The following CDH18 variants were observed in gnomAD, a reference collection of about 807,000 sequenced individuals.
CDH18 encodes the protein cadherin-18.
CDH18 carries 31 observed loss-of-function variants against 67.9 expected under a neutral mutation model. That is an observed-to-expected ratio of 0.46 (90% CI 0.34 to 0.62). The LOEUF (loss-of-function observed/expected upper bound fraction) is 0.62, where lower values mean the gene tolerates loss of function less well. Among genes scored for constraint, CDH18 ranks in the 20% least tolerant of loss-of-function variants. The probability of loss-of-function intolerance (pLI) is 0.01; values close to 1 mark genes in which losing one functional copy is unlikely to be tolerated. For synonymous variants in CDH18, 362 were observed against 347.2 expected (o/e 1.04, Z -0.48); for missense variants, 890 against 975.5 (o/e 0.91, Z 1.17).
chr5:20,440,893 A>C (rs759470546), intron 1 of CDH18, among the ~76,000 whole-genome samples: 51 of 152,034 alleles, frequency 3.4e-4, no homozygotes, highest in Non-Finnish European at 6.9e-4. Context: ...TAAATGAAGT[A>C]AGAGCAGGAA....
chr5:20,143,068 G>C (rs1377152853), intron 2 of CDH18, among the ~76,000 whole-genome samples: 1 of 152,170 alleles, frequency 6.6e-6, no homozygotes, highest in Non-Finnish European at 1.5e-5. Flanking sequence ...GCATTGAAGA[G>C]ACTGTTAGTA....
chr5:20,062,140 A>AATTATTATT (rs113839953), intron 2 of CDH18, among the ~76,000 whole-genome samples: 27,403 of 137,622 alleles, frequency 0.2, 2,958 homozygotes, highest in Middle Eastern at 0.22. Context: ...TTAAGCCCAG[A>AATTATTATT]ATTATTATTA....
chr5:20,448,992 A>AATATATATATATAT (rs34431118), intron 1 of CDH18, among the ~76,000 whole-genome samples: 4 of 148,752 alleles, frequency 2.7e-5, no homozygotes, highest in African/African-American at 9.8e-5. Flanking sequence ...CTGTTGCATG[A>AATATATATATATAT]ATATATATAT....
chr5:19,692,741 T>A (rs1228312396), intron 5 of CDH18, among the ~76,000 whole-genome samples: 1 of 151,914 alleles, frequency 6.6e-6, no homozygotes, highest in Non-Finnish European at 1.5e-5. Flanking sequence ...TAGATTTTGT[T>A]GAGGATGCAG....
chr5:19,618,763 T>A (rs1266514872), intron 5 of CDH18, among the ~76,000 whole-genome samples: 1 of 152,154 alleles, frequency 6.6e-6, no homozygotes, highest in Non-Finnish European at 1.5e-5. Context: ...AATGTACAAA[T>A]TTGAAATATC....
chr5:19,787,044 T>A (rs1775870584), intron 3 of CDH18, among the ~76,000 whole-genome samples: 2 of 152,022 alleles, frequency 1.3e-5, no homozygotes, highest in Admixed American at 1.3e-4. Context: ...CAACTAGAAG[T>A]AGGACTGGGA....
intron 9 of CDH18, among the ~76,000 whole-genome samples, chr5:19,538,048 A>G (rs1749687687): frequency 6.6e-6 from 1 of 152,206 alleles, no homozygotes; most frequent in Non-Finnish European, 1.5e-5. Flanking sequence ...GCAGTCACTG[A>G]TGCCTTATTT....
chr5:19,825,276 T>TCCAGCACA (rs1780288823), intron 3 of CDH18, among the ~76,000 whole-genome samples: 2 of 152,124 alleles, frequency 1.3e-5, no homozygotes, highest in Admixed American at 1.3e-4. Flanking sequence ...AGCTAGAGCT[T>TCCAGCACA]CCAGCACACT....
intron 2 of CDH18, among the ~76,000 whole-genome samples, chr5:20,008,612 T>C (rs893345333): frequency 2.6e-5 from 4 of 152,164 alleles, no homozygotes; most frequent in African/African-American, 9.6e-5. Flanking sequence ...TGAAAATATA[T>C]GCCATGTTTA....
chr5:19,946,548 A>G lies in CDH18; in HGVS notation c.-257+34512T>C, dbSNP rs376331216. 5.6e-4 allele frequency among the ~76,000 whole-genome samples: 85 copies of G among 152,274 alleles called. No homozygotes were observed. In the South Asian group the frequency reaches 5.6e-3, roughly 10 times the overall value. ...GAATCCGAAGAAAATACTTGAGAAT[A>G]TTATACTTTAAAAATGGGGAGGATA... On this transcript the variant is annotated intron_variant, in intron 2 of 12. Coordinates refer to ENST00000382275, the MANE Select transcript of CDH18 (RefSeq NM_004934.5).
chr5:20,495,014 G>A (rs1250888276), intron 1 of CDH18, among the ~76,000 whole-genome samples: 1 of 152,086 alleles, frequency 6.6e-6, no homozygotes, highest in East Asian at 1.9e-4. Context: ...GTTGAATGAC[G>A]AAAAATAAGA....
intron 2 of CDH18, among the ~76,000 whole-genome samples, chr5:20,148,842 T>G (rs190715586): frequency 1.3e-5 from 2 of 152,220 alleles, no homozygotes; most frequent in Non-Finnish European, 2.9e-5. Context: ...TCCTAGGTCT[T>G]CATTCCATTT....
chr5:19,866,171 G>A (rs1581705285), intron 2 of CDH18, among the ~76,000 whole-genome samples: 2 of 152,264 alleles, frequency 1.3e-5, no homozygotes, highest in African/African-American at 2.4e-5. Flanking sequence ...GCATTTTCTC[G>A]CTACAAAATG....
intron 6 of CDH18, among the ~76,000 whole-genome samples, chr5:19,594,657 GTTC>G (rs1745877326): frequency 1.3e-5 from 2 of 152,010 alleles, no homozygotes; most frequent in South Asian, 2.1e-4. Flanking sequence ...CTCCAGCTTT[GTTC>G]TTCTTTTTCA....
In CDH18 at chr5:19,960,589, GTATA is replaced by G. The variant is rs1418265326; in HGVS notation, c.-257+20467_-257+20470del. ...TGTGTGTGTGTGTGTGTGTGTGTGT[GTATA>G]TATATATATACACACACGTGTATAT... On this transcript the variant is annotated intron_variant, in intron 2 of 12. Transcript: ENST00000382275. Among the ~76,000 whole-genome samples, 50 of 85,092 alleles carry G rather than the reference GTATA, an allele frequency of 5.9e-4. 1 individual carries two copies. In the South Asian group the frequency reaches 7.2e-3, roughly 12 times the overall value. 55.8% of individuals were successfully genotyped at this position (85,092 alleles called of 152,430 possible). A position where few individuals can be genotyped will look rare whatever the true frequency, so the allele number is the denominator to read the frequency against.
intron 9 of CDH18, among the ~76,000 whole-genome samples, chr5:19,532,804 AG>A (rs1276067644): frequency 6.6e-6 from 1 of 152,218 alleles, no homozygotes; most frequent in Non-Finnish European, 1.5e-5. Context: ...AGCTGACAAA[AG>A]TTTCCAATGG....
chr5:19,572,223 C>A (rs886138355), intron 7 of CDH18, among the ~76,000 whole-genome samples: 2 of 152,092 alleles, frequency 1.3e-5, no homozygotes, highest in South Asian at 4.1e-4. Flanking sequence ...CTAAGATGAA[C>A]GGATGTAGTT....
intron 2 of CDH18, among the ~76,000 whole-genome samples, chr5:20,211,954 T>C (rs1740387973): frequency 6.6e-6 from 1 of 152,150 alleles, no homozygotes; most frequent in South Asian, 2.1e-4. Flanking sequence ...AAAAGTAGGC[T>C]TCAGAAGATC....
chr5:19,512,147 T>C (rs1745227191), intron 10 of CDH18, among the ~76,000 whole-genome samples: 1 of 152,196 alleles, frequency 6.6e-6, no homozygotes, highest in Non-Finnish European at 1.5e-5. Context: ...CTGGGTGTTA[T>C]TGGCCTAGAT....
Sources: gnomAD v4.1 joint callset for allele counts (sites outside exome capture counted in the v4.1 genomes callset) on GRCh38, gnomAD v4.1.1 for gene constraint, MANE v1.5 for transcripts, NCBI Gene and HGNC (gene_info 2026-07-23, HGNC 2026-07-21) for gene names.